RBPJ: variants seen among roughly 807,000 people sequenced by gnomAD.
The protein encoded by RBPJ is recombination signal binding protein for immunoglobulin kappa J region.
In RBPJ, 9 loss-of-function variants were observed where a neutral mutation model predicts 67.8. That is an observed-to-expected ratio of 0.13 (90% confidence interval 0.08 to 0.23). The LOEUF is 0.23. Among genes scored for constraint, RBPJ ranks in the 10% least tolerant of loss-of-function variants. The pLI, the probability that RBPJ is intolerant of heterozygous loss-of-function variation, is 1.00. For missense variants in RBPJ, 305 were observed against 595.6 expected (o/e 0.51, Z 5.08); for synonymous variants, 198 against 203.3 (o/e 0.97, Z 0.22).
chr4:26,290,528 A>C (rs968660640), intron 1 of RBPJ, among the ~76,000 whole-genome samples: 2 of 150,372 alleles, frequency 1.3e-5, no homozygotes, highest in Admixed American at 6.6e-5. Context: ...GGAATTCCAA[A>C]TATATCCAAG....
chr4:26,152,776 G>A, the RBPJ span, among the ~76,000 whole-genome samples: 1 of 152,346 alleles, frequency 6.6e-6, no homozygotes, highest in Non-Finnish European at 1.5e-5. Context: ...TTGAGAAGTT[G>A]AAAAGAGTGG....
chr4:26,318,665 C>G (rs1460153140), upstream of RBPJ, among the ~76,000 whole-genome samples: 1 of 150,466 alleles, frequency 6.6e-6, no homozygotes, highest in Admixed American at 6.6e-5. Flanking sequence ...ATTTATTTTT[C>G]TACCCAGCTC....
intron 1 of RBPJ, among the ~76,000 whole-genome samples, chr4:26,259,506 T>C (rs186964751): frequency 1.3e-5 from 2 of 152,356 alleles, no homozygotes; most frequent in Admixed American, 1.3e-4. Flanking sequence ...AGGATTGTAC[T>C]GGGAAAGCCA....
chr4:26,324,652 C>T (rs1723435221), intron 1 of RBPJ, among the ~76,000 whole-genome samples: 1 of 152,158 alleles, frequency 6.6e-6, no homozygotes, highest in African/African-American at 2.4e-5. Context: ...GCCTTAGCCT[C>T]CTGAGTAGCT....
chr4:26,158,364 G>A, the RBPJ span, among the ~76,000 whole-genome samples: 1 of 152,192 alleles, frequency 6.6e-6, no homozygotes, highest in African/African-American at 2.4e-5. Context: ...TTATTCTACA[G>A]TTCCTCAGAT....
At chr4:26,214,896 GA>G (rs1718608166) in intron 1 of RBPJ, among the ~76,000 whole-genome samples, 1 of 75,094 alleles carries the variant, frequency 1.3e-5, no homozygotes, top group African/African-American at 1.3e-4. Flanking sequence ...AGAGAAAAAA[GA>G]GAAAAAGAAA....
chr4:26,228,557 C>T (rs997567952), intron 1 of RBPJ, among the ~76,000 whole-genome samples: 1 of 152,204 alleles, frequency 6.6e-6, no homozygotes, highest in Admixed American at 6.5e-5. Flanking sequence ...GCCTGTATTT[C>T]CTGATTTGCA....
At chr4:26,412,589 G>A (rs913049932) in intron 3 of RBPJ, among the ~76,000 whole-genome samples, 1 of 152,022 alleles carries the variant, frequency 6.6e-6, no homozygotes, top group Non-Finnish European at 1.5e-5. Flanking sequence ...ACAATCCAAG[G>A]TCTGGGGAAA....
chr4:26,354,764 C>T (rs181288820), intron 1 of RBPJ, among the ~76,000 whole-genome samples: 4 of 152,096 alleles, frequency 2.6e-5, no homozygotes, highest in East Asian at 1.9e-4. Flanking sequence ...AGAGATTTTA[C>T]GTGGGAAACT....
At chr4:26,292,965 T>A (rs775017680) in intron 1 of RBPJ, among the ~76,000 whole-genome samples, 1 of 150,814 alleles carries the variant, frequency 6.6e-6, no homozygotes, top group Non-Finnish European at 1.5e-5. Context: ...TTCCTTCTGA[T>A]GTTATACCCA....
the RBPJ span, among the ~76,000 whole-genome samples, chr4:26,116,146 T>C: frequency 6.6e-6 from 1 of 152,254 alleles, no homozygotes; most frequent in Non-Finnish European, 1.5e-5. Flanking sequence ...ATTTTCTGTT[T>C]GTGCTATCAG....
intron 1 of RBPJ, among the ~76,000 whole-genome samples, chr4:26,218,527 C>T (rs1200779918): frequency 6.6e-6 from 1 of 152,192 alleles, no homozygotes. Context: ...GGTCACAGCT[C>T]TGGAGCCTGC....
intron 1 of RBPJ, among the ~76,000 whole-genome samples, chr4:26,230,473 C>T (rs1290307888): frequency 1.3e-5 from 2 of 152,164 alleles, no homozygotes; most frequent in Admixed American, 6.5e-5. Flanking sequence ...CAGTTAGGTC[C>T]TATTTTAACC....
chr4:26,235,099 A>G (rs1719413790), intron 1 of RBPJ, among the ~76,000 whole-genome samples: 1 of 152,216 alleles, frequency 6.6e-6, no homozygotes, highest in Non-Finnish European at 1.5e-5. Context: ...AGCAGGTGAT[A>G]GAGTACCTGG....
the RBPJ span, among the ~76,000 whole-genome samples, chr4:26,157,026 G>T: frequency 3.9e-4 from 59 of 150,602 alleles, no homozygotes; most frequent in South Asian, 1.9e-3. Context: ...TGGTGTGCCA[G>T]GTTCACACCA....
At chr4:26,240,451 C>T (rs1436465834) in intron 1 of RBPJ, among the ~76,000 whole-genome samples, 2 of 152,258 alleles carry the variant, frequency 1.3e-5, no homozygotes, top group African/African-American at 2.4e-5. Flanking sequence ...AGAAGAAATT[C>T]GTCTGAACAT....
At chr4:26,233,037 C>A (rs928036292) in intron 1 of RBPJ, among the ~76,000 whole-genome samples, 1 of 152,206 alleles carries the variant, frequency 6.6e-6, no homozygotes, top group Non-Finnish European at 1.5e-5. Flanking sequence ...AGAGCAGCTG[C>A]TTTTCCTTCT....
chr4:26,249,642 CAG>C (rs1343867647), intron 1 of RBPJ, among the ~76,000 whole-genome samples: 1 of 152,068 alleles, frequency 6.6e-6, no homozygotes, highest in Admixed American at 6.6e-5. Flanking sequence ...GCCTGGGTGA[CAG>C]AGTGCGACTC....
At chr4:26,338,391 T>A (rs13148750) in intron 1 of RBPJ, among the ~76,000 whole-genome samples, 1 of 151,984 alleles carries the variant, frequency 6.6e-6, no homozygotes, top group Non-Finnish European at 1.5e-5. Flanking sequence ...CTTGACCTCG[T>A]GATCTGTCCA....
Sources: gnomAD v4.1 joint callset for allele counts (sites outside exome capture counted in the v4.1 genomes callset) on GRCh38, gnomAD v4.1.1 for gene constraint, MANE v1.5 for transcripts, NCBI Gene and HGNC (gene_info 2026-07-23, HGNC 2026-07-21) for gene names.